Variants in SLC8B1 observed in about 807,000 individuals in gnomAD.
The protein encoded by SLC8B1 is solute carrier family 8 member B1.
Under a neutral mutation model 63.4 loss-of-function variants are expected in SLC8B1, and 52 were observed. The ratio of observed to expected loss-of-function variants is 0.82; its 90% CI spans 0.66 to 1.03. The LOEUF is 1.03. SLC8B1 is among the 50% of genes least tolerant of loss of function. The pLI is 0.00. For synonymous variants in SLC8B1, 336 were observed against 323.9 expected, an observed-to-expected ratio of 1.04 and a Z score of -0.40; for missense variants, 657 against 741.7, an observed-to-expected ratio of 0.89 and a Z score of 1.33.
chr12:113,327,979 C>CAAAAAA (rs76685425), intron 2 of SLC8B1, among the ~76,000 whole-genome samples: 9,561 of 85,898 alleles, frequency 0.11, 348 homozygotes, highest in Non-Finnish European at 0.14. Context: ...ACTACGTCTC[C>CAAAAAA]AAAAAAAAAA....
chr12:113,321,082 CAG>C lies in SLC8B1; in HGVS notation c.334_335del (p.Leu112AspfsTer41). ...LYVSWLLYLF[L>X]ILGVTAAKFF... The stretch of plus-strand genomic sequence containing the variant: ...ACTTGGCTGCGGTGACTCCCAGAAT[CAG>C]AAACAGGTAGAGCAGCCAGGAAACC... On this transcript the variant is annotated frameshift_variant, in exon 4 of 16. Transcript: ENST00000680972. LOFTEE classifies it high-confidence loss of function. 8 of 1,613,816 alleles carry C rather than the reference CAG, an allele frequency of 5.0e-6. No homozygotes were observed. The highest frequency in any genetic ancestry group is 6.8e-6 in the Non-Finnish European group (8 of 1,179,874).
chr12:113,302,847 A>G (rs1566222033), intron 15 of SLC8B1: 1 of 395,410 alleles, frequency 2.5e-6, no homozygotes, highest in Non-Finnish European at 5.1e-6. Flanking sequence ...ATGTACATCA[A>G]TTCTGAAAAC....
At chr12:113,318,858 T>G in intron 8 of SLC8B1, 106 bp downstream of exon 8, 13 of 794,632 alleles carry the variant, frequency 1.6e-5, no homozygotes, top group Non-Finnish European at 2.3e-5. Flanking sequence ...GAAGAGGAGA[T>G]GAGCTTGGTG....
Position 113,307,747 on chromosome 12 carries a change from CG to C in SLC8B1, c.1354del (p.Arg452GlyfsTer2). 1 of 1,614,018 alleles carries C rather than the reference CG, an allele frequency of 6.2e-7. No individual in the cohort carries two copies. The highest frequency in any genetic ancestry group is 1.1e-5 in the South Asian group (1 of 91,084). The part of the protein sequence containing the change: ...NILRSLGVVF[R>X]LSNTVLGLTL... ...GAGCCCCAGCACAGTGTTGCTCAGC[CG>C]GAAGACCACACCCAGGGACCGCAAG... On this transcript the variant is annotated frameshift_variant, in exon 13 of 16. Transcript: ENST00000680972. LOFTEE classifies it high-confidence loss of function.
intron 8 of SLC8B1, among the ~76,000 whole-genome samples, chr12:113,317,903 T>C (rs1956857531): frequency 6.6e-6 from 1 of 152,152 alleles, no homozygotes; most frequent in South Asian, 2.1e-4. Context: ...GTGTTGTGTA[T>C]GGCATGCATG....
chr12:113,321,259 G>C lies in SLC8B1; in HGVS notation c.246C>G (p.Asp82Glu). 1 of 1,614,200 alleles carries C rather than the reference G, an allele frequency of 6.2e-7. No homozygotes were observed. The highest frequency in any genetic ancestry group is 8.5e-7 in the Non-Finnish European group (1 of 1,180,044). ...AGTGGCAGAAGATGCCTTCCAGGTA[G>C]TCCAGGTACCCCCCATCACTGTGGC... ...PDCHSDGGYL[D>E]YLEGIFCHFP... Residue 82 changes from aspartate (D) to glutamate (E), a missense_variant, in exon 3 of 16, where the codon GAC (aspartate) becomes GAG (glutamate). By Grantham distance (45) the Asp-to-Glu change is conservative. Transcript: ENST00000680972.
chr12:113,312,934 C>A (rs1270615656), intron 11 of SLC8B1, among the ~76,000 whole-genome samples: 3 of 151,762 alleles, frequency 2.0e-5, no homozygotes, highest in Non-Finnish European at 4.4e-5. Flanking sequence ...GAGACAGAGT[C>A]TCACTCTGTC....
rs750842332 is a variant in SLC8B1, at chr12:113,320,558, C to T, written c.526+23G>A. ...ACCCTCTCCTGCTGCTTTCCCCGCC[C>T]CCCTCACTGGGGCTGCTCTCACCAA... On this transcript the variant is annotated intron_variant, in intron 6 of 15. Coordinates refer to ENST00000680972, the MANE Select transcript of SLC8B1 (RefSeq NM_001358345.2). The surrounding 1 kb of genome is among the most constrained non-coding windows in gnomAD (Gnocchi z 5.3). 5.0e-6 allele frequency: 8 copies of T among 1,614,052 alleles called. No homozygotes were observed. The East Asian group carries it at 1.8e-4, about 36-fold the overall frequency.
chr12:113,300,789 G>A (rs986057123), intron 15 of SLC8B1, among the ~76,000 whole-genome samples: 12 of 152,146 alleles, frequency 7.9e-5, no homozygotes, highest in African/African-American at 2.4e-4. Context: ...TCTAGTCAAC[G>A]ACATGCACAA....
In SLC8B1 at chr12:113,319,034, C is replaced by T; in HGVS notation, c.732G>A (p.Val244=). Residue 244 remains valine, a synonymous_variant, in exon 8 of 16, where the codon GTG becomes GTA. Transcript: ENST00000680972. The part of the protein sequence containing the change: ...LGLYVFYVVT[V]ILCTWIYQRQ... ...GTTGGTAGATCCAGGTGCAGAGAAT[C>T]ACAGTGACCACATAGAACACATACA... 6.2e-7 allele frequency: 1 copy of T among 1,614,052 alleles called. No homozygotes were observed. Among genetic ancestry groups the T allele is most frequent in the Non-Finnish European group, 8.5e-7 (1 of 1,179,972 alleles).
chr12:113,307,551 A>T, intron 13 of SLC8B1, 140 bp downstream of exon 13: 1 of 1,048,514 alleles, frequency 9.5e-7, no homozygotes, highest in East Asian at 2.8e-5. Flanking sequence ...TGGCCACTCC[A>T]CAGTGACAGG....
Position 113,320,922 on chromosome 12 carries a change from C to T in SLC8B1, c.363-15G>A, listed in dbSNP as rs199906114. The T allele has an allele frequency of 2.0e-5, 32 of 1,602,362 alleles. 1 individual carries two copies. In the East Asian group the frequency reaches 4.0e-4, roughly 20 times the overall value. On this transcript the variant is annotated splice_polypyrimidine_tract_variant and intron_variant, in intron 4 of 15. Transcript: ENST00000680972. The surrounding 1 kb of genome is among the most constrained non-coding windows in gnomAD (Gnocchi z 5.3). ...TGGGGCAGAAACTACGGAGAAAAAGCGGACGGGAAGCATTTCCGTAGTAAC... is the reference window on the plus strand; with the variant it reads ...TGGGGCAGAAACTACGGAGAAAAAGTGGACGGGAAGCATTTCCGTAGTAAC...
intron 9 of SLC8B1, 64 bp from the exon 10 acceptor site, chr12:113,316,720 C>T: frequency 1.2e-5 from 19 of 1,590,738 alleles, no homozygotes; most frequent in Non-Finnish European, 1.6e-5. Flanking sequence ...GAAACCTTCC[C>T]CGCTCCATCC....
chr12:113,322,102 G>A (rs1431013658), intron 2 of SLC8B1, among the ~76,000 whole-genome samples: 1 of 152,104 alleles, frequency 6.6e-6, no homozygotes, highest in Non-Finnish European at 1.5e-5. Context: ...GGAGACTGAG[G>A]TGGGAGGATC....
In SLC8B1 at chr12:113,315,434, C is replaced by A; in HGVS notation, c.1036G>T (p.Asp346Tyr). The A allele has an allele frequency of 6.2e-7, 1 of 1,601,792 alleles. No homozygotes were observed. The highest frequency in any genetic ancestry group is 8.5e-7 in the Non-Finnish European group (1 of 1,174,754). The stretch of plus-strand genomic sequence containing the variant: ...CAGTTCTGGTCATCCTTGTCCGGGT[C>A]CACGACGGGGACTGTGAGGAGCAGC... The part of the protein sequence containing the change: ...FLLLLTVPVV[D>Y]PDKDDQNWKR... The change falls in exon 11 of 16, where the codon GAC becomes TAC. Residue 346 changes from aspartate (D) to tyrosine (Y), a missense_variant. Asp to Tyr is a radical substitution (Grantham distance 160). Coordinates refer to ENST00000680972, the MANE Select transcript of SLC8B1 (RefSeq NM_001358345.2).
rs1248572204 is a variant in SLC8B1, at chr12:113,310,373, G to A, written c.1136-18C>T. ...GACACCATCTGCAAAGGGAGAGAAA[G>A]GGAGCTGATACCTTCCCAGCACCTC... On this transcript the variant is annotated intron_variant, in intron 11 of 15. Coordinates refer to ENST00000680972, the MANE Select transcript of SLC8B1 (RefSeq NM_001358345.2). 1 of 1,609,794 alleles carries A rather than the reference G, an allele frequency of 6.2e-7. No individual in the cohort carries two copies. The highest frequency in any genetic ancestry group is 8.5e-7 in the Non-Finnish European group (1 of 1,178,590).
rs372203323 is a variant in SLC8B1 at position 113,315,343 on chromosome 12, G to A, written c.1127C>T (p.Ser376Leu). ...GGGTAGGGGATACTCACAGGTCCCC[G>A]ACTGCAGGGTCAGGACCACAACCAG... ...SPLVVVLTLQSGTYGVYEIGG... is the reference protein window; with the variant it reads ...SPLVVVLTLQLGTYGVYEIGG... The change falls in exon 11 of 16, where the codon TCG (serine) becomes TTG (leucine). Residue 376 changes from serine to leucine, a missense_variant. Transcript: ENST00000680972. 35 of 1,540,920 alleles carry A rather than the reference G, an allele frequency of 2.3e-5. No homozygotes were observed. Among genetic ancestry groups the A allele is most frequent in the African/African-American group, 1.1e-4 (8 of 72,796 alleles).
Position 113,320,207 on chromosome 12 carries a change from C to G in SLC8B1, c.694+124G>C. The G allele has an allele frequency of 8.2e-7, 1 of 1,223,490 alleles. No homozygotes were observed. Among genetic ancestry groups the G allele is most frequent in the Non-Finnish European group, 1.1e-6 (1 of 879,094 alleles). 75.8% of individuals were successfully genotyped at this position (1,223,490 alleles called of 1,614,324 possible). ...GCTCAAGCCAGCTTGAGGAGGGTTT[C>G]TGTCACTTGTAATCAAATCAAAGCC... On this transcript the variant is annotated intron_variant, in intron 7 of 15. Transcript: ENST00000680972. This position sits in a 1 kb window ranked among gnomAD's most constrained non-coding sequence, Gnocchi z 5.3.
In SLC8B1 at chr12:113,299,735, G is replaced by T. The variant is rs1339720788; in HGVS notation, c.*42C>A. 6.3e-7 allele frequency: 1 copy of T among 1,588,308 alleles called. No homozygotes were observed. Among genetic ancestry groups the T allele is most frequent in the Admixed American group, 1.7e-5 (1 of 59,672 alleles). On this transcript the variant is annotated 3_prime_UTR_variant, in exon 16 of 16. Coordinates refer to ENST00000680972, the MANE Select transcript of SLC8B1 (RefSeq NM_001358345.2). ...GGGCCTCCCCCGGCAGGAGGGGCGGGGCTCCTGCCTGCAGTGAGGCCACAG... is the reference window on the plus strand; with the variant it reads ...GGGCCTCCCCCGGCAGGAGGGGCGGTGCTCCTGCCTGCAGTGAGGCCACAG...
Sources: allele counts gnomAD v4.1 joint callset (sites outside exome capture counted in the v4.1 genomes callset), GRCh38; gene constraint gnomAD v4.1.1; non-coding constraint Gnocchi (gnomAD v3.1); transcripts MANE v1.5; gene names NCBI Gene and HGNC (gene_info 2026-07-23, HGNC 2026-07-21).